Variants in NRXN1 observed in about 807,000 individuals in gnomAD.
NRXN1 encodes the protein neurexin-1.
NRXN1 carries 39 observed loss-of-function variants against 150.9 expected under a neutral mutation model. That is an observed-to-expected ratio of 0.26 (90% CI 0.20 to 0.34). NRXN1 has a LOEUF of 0.34. NRXN1 is among the 10% of genes least tolerant of loss of function. The pLI, the probability that NRXN1 is intolerant of heterozygous loss-of-function variation, is 1.00. For missense variants in NRXN1, 1,815 were observed against 1,949.9 expected, an observed-to-expected ratio of 0.93 and a Z score of 1.30; for synonymous variants, 924 against 757.0, an observed-to-expected ratio of 1.22 and a Z score of -3.62.
intron 5 of NRXN1, among the ~76,000 whole-genome samples, chr2:50,723,152 A>G (rs1250717065): frequency 6.6e-6 from 1 of 152,152 alleles, no homozygotes; most frequent in Non-Finnish European, 1.5e-5. Context: ...TGAAAGTGTT[A>G]AGGAGAAAAA....
chr2:50,698,817 C>T (rs1693312902), intron 5 of NRXN1, among the ~76,000 whole-genome samples: 2 of 152,166 alleles, frequency 1.3e-5, no homozygotes, highest in African/African-American at 2.4e-5. Context: ...CATGCTTTTG[C>T]TATTCATTGT....
At chr2:50,365,974 T>C (rs781757938) in intron 17 of NRXN1, among the ~76,000 whole-genome samples, 1 of 151,990 alleles carries the variant, frequency 6.6e-6, no homozygotes, top group Admixed American at 6.6e-5. Flanking sequence ...TGGAATATAA[T>C]TTGTCCATTA....
intron 2 of NRXN1, among the ~76,000 whole-genome samples, chr2:50,987,618 T>C (rs1479036503): frequency 6.6e-6 from 1 of 151,986 alleles, no homozygotes; most frequent in Admixed American, 6.6e-5. Context: ...CACTAAAGTA[T>C]AACAACCTCC....
intron 2 of NRXN1, among the ~76,000 whole-genome samples, chr2:50,989,044 C>T (rs951490280): frequency 1.3e-5 from 2 of 151,780 alleles, no homozygotes; most frequent in African/African-American, 2.4e-5. Flanking sequence ...CAGGAACTTG[C>T]GTCCTGAGAG....
At chr2:50,935,441 T>C (rs1164279604) in intron 2 of NRXN1, among the ~76,000 whole-genome samples, 1 of 151,920 alleles carries the variant, frequency 6.6e-6, no homozygotes. Context: ...AATAGAAAAA[T>C]AATCCTTAGG....
At chr2:50,926,479 G>C (rs189464283) in intron 2 of NRXN1, among the ~76,000 whole-genome samples, 1 of 151,892 alleles carries the variant, frequency 6.6e-6, no homozygotes, top group African/African-American at 2.4e-5. Flanking sequence ...TTTCCTTAAA[G>C]AAAAACAACG....
chr2:50,832,011 A>T (rs1257375425), intron 5 of NRXN1, among the ~76,000 whole-genome samples: 1 of 152,194 alleles, frequency 6.6e-6, no homozygotes, highest in Non-Finnish European at 1.5e-5. Flanking sequence ...CCAAGTTTGG[A>T]TGCCATCTTC....
At chr2:50,248,799 T>G (rs1159924456) in intron 17 of NRXN1, among the ~76,000 whole-genome samples, 1 of 152,096 alleles carries the variant, frequency 6.6e-6, no homozygotes, top group African/African-American at 2.4e-5. Flanking sequence ...TTCCCTAAGT[T>G]TGGAATCTAA....
At position 49,920,495 on chromosome 2, in the gene NRXN1, G is replaced by C. The variant is rs1157924119; in HGVS notation, c.*1449C>G. 6.6e-6 allele frequency: 1 copy of C among 152,518 alleles called. No individual in the cohort carries two copies. Among genetic ancestry groups the C allele is most frequent in the African/African-American group, 2.4e-5 (1 of 41,398 alleles). The allele number at this position is 152,518 out of a possible 1,614,324, so 9.4% of individuals were successfully genotyped here. A position where few individuals can be genotyped will look rare whatever the true frequency, so the allele number is the denominator to read the frequency against. On this transcript the variant is annotated 3_prime_UTR_variant, in exon 23 of 23. Coordinates refer to ENST00000401669, the MANE Select transcript of NRXN1 (RefSeq NM_001330078.2). ...GCAGTATATCAGTGATATTCTATTT[G>C]ATAAGGAAAGGTTCATTTCTTTAGG...
chr2:49,997,561 A>T (rs1683200440), intron 21 of NRXN1, among the ~76,000 whole-genome samples: 1 of 152,130 alleles, frequency 6.6e-6, no homozygotes, highest in Non-Finnish European at 1.5e-5. Context: ...TCAACTTCTC[A>T]AGTATTTTCT....
intron 8 of NRXN1, among the ~76,000 whole-genome samples, chr2:50,567,941 C>G (rs892603965): frequency 6.6e-6 from 1 of 152,080 alleles, no homozygotes; most frequent in Non-Finnish European, 1.5e-5. Flanking sequence ...ATGTAATATT[C>G]ATTAAAATAC....
rs993383345 is a variant in NRXN1 at position 50,574,779 on chromosome 2, A to T, written c.1321-21754T>A. 4.6e-5 allele frequency among the ~76,000 whole-genome samples: 7 copies of T among 152,304 alleles called. No individual in the cohort carries two copies. In the East Asian group the frequency reaches 1.2e-3, roughly 25 times the overall value. ...TTTTACTTAAGAAGTGATGACAGCC[A>T]ACAAGATTCCAGGCTCCATTCAAAG... On this transcript the variant is annotated intron_variant, in intron 8 of 22. Coordinates refer to ENST00000401669, the MANE Select transcript of NRXN1 (RefSeq NM_001330078.2).
intron 12 of NRXN1, among the ~76,000 whole-genome samples, chr2:50,507,100 G>C (rs2092262012): frequency 6.6e-6 from 1 of 152,158 alleles, no homozygotes. Flanking sequence ...ATCGTTTTCA[G>C]TGAGATAAGT....
intron 5 of NRXN1, among the ~76,000 whole-genome samples, chr2:50,757,380 C>T (rs1056563483): frequency 6.6e-6 from 1 of 151,630 alleles, no homozygotes; most frequent in Non-Finnish European, 1.5e-5. Flanking sequence ...GATTCTGTAA[C>T]CAGAGAAGCA....
chr2:50,879,883 A>G (rs541689194), intron 5 of NRXN1, among the ~76,000 whole-genome samples: 1 of 152,066 alleles, frequency 6.6e-6, no homozygotes, highest in African/African-American at 2.4e-5. Context: ...AGGCATGCCC[A>G]TGGTTGAGAC....
At chr2:50,978,800 T>G (rs556683305) in intron 2 of NRXN1, among the ~76,000 whole-genome samples, 2 of 152,218 alleles carry the variant, frequency 1.3e-5, no homozygotes, top group South Asian at 4.1e-4. Flanking sequence ...AAAACATGCA[T>G]AATGATTAAA....
At chr2:50,929,482 TG>T (rs1268313872) in intron 2 of NRXN1, among the ~76,000 whole-genome samples, 1 of 152,170 alleles carries the variant, frequency 6.6e-6, no homozygotes, top group East Asian at 1.9e-4. Context: ...CTTTAATTTT[TG>T]GTTTCCTTCC....
intron 5 of NRXN1, among the ~76,000 whole-genome samples, chr2:50,740,258 G>T (rs1220334181): frequency 6.6e-6 from 1 of 152,104 alleles, no homozygotes; most frequent in African/African-American, 2.4e-5. Flanking sequence ...CCTGTGACTG[G>T]CTCAGAAAAG....
chr2:50,706,780 A>G (rs1227527966), intron 5 of NRXN1, among the ~76,000 whole-genome samples: 1 of 152,146 alleles, frequency 6.6e-6, no homozygotes, highest in Non-Finnish European at 1.5e-5. Flanking sequence ...GAAGGCAACC[A>G]ATATAAGTCA....
Sources: gnomAD v4.1 joint callset for allele counts (sites outside exome capture counted in the v4.1 genomes callset) on GRCh38, gnomAD v4.1.1 for gene constraint, MANE v1.5 for transcripts, NCBI Gene and HGNC (gene_info 2026-07-23, HGNC 2026-07-21) for gene names.